The following DOK6 variants were observed in gnomAD, a reference collection of about 807,000 sequenced individuals.
The protein encoded by DOK6 is docking protein 6.
In DOK6, 22 loss-of-function variants were observed where a neutral mutation model predicts 44.0. That is an observed-to-expected ratio of 0.50 (90% confidence interval 0.36 to 0.71). The LOEUF (loss-of-function observed/expected upper bound fraction) is 0.71, where lower values mean the gene tolerates loss of function less well. DOK6 is among the 30% of genes least tolerant of loss of function. The pLI, the probability that DOK6 is intolerant of heterozygous loss-of-function variation, is 0.00. For missense variants in DOK6, 340 were observed against 416.4 expected, an observed-to-expected ratio of 0.82 and a Z score of 1.60; for synonymous variants, 166 against 145.5, an observed-to-expected ratio of 1.14 and a Z score of -1.01.
chr18:69,573,255 A>G lies in DOK6; in HGVS notation c.174+8661A>G, dbSNP rs183406084. 1.0e-3 allele frequency among the ~76,000 whole-genome samples: 155 copies of G among 151,890 alleles called. 1 individual carries two copies. The highest frequency in any genetic ancestry group is 3.6e-3 in the African/African-American group (150 of 41,496). ...TCTATGTGTGTGATTTTTCCCTCCAATGTGTGAAAATGAAGCGGCAAAACA... is the reference window on the plus strand; with the variant it reads ...TCTATGTGTGTGATTTTTCCCTCCAGTGTGTGAAAATGAAGCGGCAAAACA... On this transcript the variant is annotated intron_variant, in intron 2 of 7. Transcript: ENST00000382713.
At chr18:69,834,099 T>G (rs1290114698) in intron 7 of DOK6, among the ~76,000 whole-genome samples, 2 of 152,174 alleles carry the variant, frequency 1.3e-5, no homozygotes, top group Non-Finnish European at 2.9e-5. Flanking sequence ...TGCAGCATCA[T>G]TTACAATAGC....
At chr18:69,586,186 A>C (rs906479035) in intron 2 of DOK6, among the ~76,000 whole-genome samples, 3 of 152,232 alleles carry the variant, frequency 2.0e-5, no homozygotes, top group Admixed American at 6.5e-5. Context: ...CACAACTAGC[A>C]GAATGACTTG....
At chr18:69,677,640 T>C in intron 3 of DOK6, 94 bp from the exon 4 acceptor site, 1 of 1,595,100 alleles carries the variant, frequency 6.3e-7, no homozygotes, top group East Asian at 2.3e-5. Flanking sequence ...TTCTTAACTC[T>C]TGCCAGTTAC....
chr18:69,652,389 T>C (rs1985252580), intron 3 of DOK6, among the ~76,000 whole-genome samples: 1 of 152,206 alleles, frequency 6.6e-6, no homozygotes, highest in Non-Finnish European at 1.5e-5. Context: ...ACAGGCTCCC[T>C]TCCTTTTACA....
intron 1 of DOK6, among the ~76,000 whole-genome samples, chr18:69,477,779 G>T (rs1457654404): frequency 1.3e-5 from 2 of 152,122 alleles, no homozygotes; most frequent in African/African-American, 2.4e-5. Context: ...CAGTTTAACA[G>T]CCAAGAAGAT....
At chr18:69,659,859 TATATATAA>T (rs1246189697) in intron 3 of DOK6, 1 of 121,254 alleles carries the variant, frequency 8.2e-6, no homozygotes, top group African/African-American at 2.9e-5. Flanking sequence ...GTTATATATA[TATATATAA>T]AACATATATG....
chr18:69,576,523 C>T (rs12965600), intron 2 of DOK6, among the ~76,000 whole-genome samples: 26,914 of 151,994 alleles, frequency 0.18, 2,926 homozygotes, highest in Middle Eastern at 0.29. Flanking sequence ...TGTGTTACGC[C>T]CTATCTGGAA....
At chr18:69,589,795 T>G (rs1479523656) in intron 2 of DOK6, among the ~76,000 whole-genome samples, 1 of 152,114 alleles carries the variant, frequency 6.6e-6, no homozygotes, top group African/African-American at 2.4e-5. Context: ...TATTCCAAAT[T>G]TTACCGAGCA....
chr18:69,620,629 G>A (rs1452061419), intron 3 of DOK6, among the ~76,000 whole-genome samples: 1 of 152,120 alleles, frequency 6.6e-6, no homozygotes, highest in Non-Finnish European at 1.5e-5. Context: ...TCATGGGTTT[G>A]AAAGGAAGAT....
intron 1 of DOK6, among the ~76,000 whole-genome samples, chr18:69,483,989 A>C (rs1035340695): frequency 6.6e-6 from 1 of 152,014 alleles, no homozygotes; most frequent in Non-Finnish European, 1.5e-5. Flanking sequence ...ATTAGCAAAG[A>C]TGTTTAACAG....
At chr18:69,525,653 C>T (rs1981808875) in intron 1 of DOK6, among the ~76,000 whole-genome samples, 1 of 152,018 alleles carries the variant, frequency 6.6e-6, no homozygotes, top group African/African-American at 2.4e-5. Flanking sequence ...GCAATTTCTT[C>T]TCTGTAAAAG....
At chr18:69,643,781 G>C (rs1001841763) in intron 3 of DOK6, 1 of 152,146 alleles carries the variant, frequency 6.6e-6, no homozygotes, top group Non-Finnish European at 1.5e-5. Context: ...GCTAATTGCT[G>C]ATTCTTAAGG....
rs141332116 is a variant in DOK6, at chr18:69,655,740, G to A, written c.290-21994G>A. Among the ~76,000 whole-genome samples, 818 of 122,190 alleles carry A rather than the reference G, an allele frequency of 6.7e-3. 10 individuals are homozygous for A. The highest frequency in any genetic ancestry group is 8.5e-3 in the Non-Finnish European group (531 of 62,588). The allele number at this position is 122,190 out of a possible 152,430, so 80.2% of individuals were successfully genotyped here. ...TGCACTCCAGCCTGGGTGACAGAGC[G>A]AGACTCCTTCCCCCACCCCTCAAAA... On this transcript the variant is annotated intron_variant, in intron 3 of 7. Coordinates refer to ENST00000382713, the MANE Select transcript of DOK6 (RefSeq NM_152721.6).
chr18:69,662,607 A>G, intron 3 of DOK6: 1 of 152,370 alleles, frequency 6.6e-6, no homozygotes, highest in South Asian at 2.1e-4. Context: ...AAAATATTTG[A>G]ACACAGTTTT....
At chr18:69,702,274 A>G (rs1468983750) in intron 5 of DOK6, among the ~76,000 whole-genome samples, 1 of 151,412 alleles carries the variant, frequency 6.6e-6, no homozygotes, top group Non-Finnish European at 1.5e-5. Context: ...CAAGTTTTTT[A>G]TGCTTGTTGG....
intron 7 of DOK6, among the ~76,000 whole-genome samples, chr18:69,784,281 G>C (rs888540094): frequency 6.6e-6 from 1 of 152,050 alleles, no homozygotes; most frequent in Non-Finnish European, 1.5e-5. Context: ...AATGATAAAT[G>C]TATGTGGGCA....
In DOK6 at chr18:69,462,392, G is replaced by A. The variant is rs117168582; in HGVS notation, c.66+61082G>A. 8.5e-3 allele frequency among the ~76,000 whole-genome samples: 1,290 copies of A among 152,050 alleles called. 8 individuals carry two copies. The highest frequency in any genetic ancestry group is 0.012 in the Non-Finnish European group (839 of 67,990). ...TTTCTGTGTGTATGTGTGTGTCTGT[G>A]TGTATGTGTGTGTCCTCAAACTATT... On this transcript the variant is annotated intron_variant, in intron 1 of 7. Transcript: ENST00000382713.
At chr18:69,420,536 C>A (rs901550655) in intron 1 of DOK6, among the ~76,000 whole-genome samples, 1 of 152,094 alleles carries the variant, frequency 6.6e-6, no homozygotes, top group African/African-American at 2.4e-5. Context: ...TACATGTGCA[C>A]AACGTGCAGG....
intron 3 of DOK6, among the ~76,000 whole-genome samples, chr18:69,675,875 A>C (rs1985910519): frequency 6.6e-6 from 1 of 152,072 alleles, no homozygotes; most frequent in Admixed American, 6.5e-5. Flanking sequence ...GCTCCTATAA[A>C]TTTTTTCTAT....
Sources: allele counts gnomAD v4.1 joint callset (sites outside exome capture counted in the v4.1 genomes callset), GRCh38; gene constraint gnomAD v4.1.1; transcripts MANE v1.5; gene names NCBI Gene and HGNC (gene_info 2026-07-23, HGNC 2026-07-21).